The following RDH10 variants were observed in gnomAD, a reference collection of about 807,000 sequenced individuals.
RDH10 encodes retinol dehydrogenase 10 (all-trans).
RDH10 carries 12 observed loss-of-function variants against 30.2 expected under a neutral mutation model. That is an observed-to-expected ratio of 0.40 (90% CI 0.25 to 0.64). RDH10 has a LOEUF of 0.64. RDH10 is among the 30% of genes least tolerant of loss of function. The probability of loss-of-function intolerance (pLI) is 0.43; values close to 1 mark genes in which losing one functional copy is unlikely to be tolerated. For missense variants in RDH10, 268 were observed against 445.2 expected (o/e 0.60, Z 3.58); for synonymous variants, 189 against 172.2 (o/e 1.10, Z -0.76).
At position 73,297,223 on chromosome 8, in the gene RDH10, C is replaced by T. The variant is rs770032148; in HGVS notation, c.319C>T (p.His107Tyr). The T allele has an allele frequency of 3.1e-6, 5 of 1,613,120 alleles. No homozygotes were observed. The South Asian group carries it at 3.3e-5, about 11-fold the overall frequency. The change falls in exon 2 of 6, where the codon CAC becomes TAC. Residue 107 changes from histidine to tyrosine, a missense_variant. Coordinates refer to ENST00000240285, the MANE Select transcript of RDH10 (RefSeq NM_172037.5). The stretch of plus-strand genomic sequence containing the variant: ...GAATGGTGAGGAAGAAATTCTGCCC[C>T]ACTGTAACTTGCAGGTTTTTACCTA... ...AGNGEEEILP[H>Y]CNLQVFTYTC...
intron 2 of RDH10, among the ~76,000 whole-genome samples, chr8:73,317,571 A>C (rs2130377731): frequency 6.6e-6 from 1 of 152,288 alleles, no homozygotes; most frequent in East Asian, 1.9e-4. Flanking sequence ...GGAGCACAGA[A>C]AAACATCAGA....
intron 2 of RDH10, chr8:73,300,257 G>A (rs1698950576): frequency 2.0e-5 from 3 of 152,182 alleles, no homozygotes; most frequent in Admixed American, 1.3e-4. Flanking sequence ...TTTTGATTCA[G>A]CAACCAAAAT....
intron 1 of RDH10, among the ~76,000 whole-genome samples, chr8:73,296,125 G>T (rs758094184): frequency 5.9e-5 from 9 of 152,198 alleles, no homozygotes; most frequent in Non-Finnish European, 8.8e-5. Flanking sequence ...AAGACGCCTT[G>T]CTTCCTAAGA....
At chr8:73,314,992 C>T (rs912079948) in intron 2 of RDH10, among the ~76,000 whole-genome samples, 5 of 152,174 alleles carry the variant, frequency 3.3e-5, no homozygotes, top group African/African-American at 9.7e-5. Flanking sequence ...CTTCATATTA[C>T]AACCAGCCAG....
intron 2 of RDH10, among the ~76,000 whole-genome samples, chr8:73,305,077 G>A (rs769554753): frequency 6.6e-6 from 1 of 152,200 alleles, no homozygotes; most frequent in Non-Finnish European, 1.5e-5. Context: ...TGTGTAGCCT[G>A]TGCTAATGCT....
intron 2 of RDH10, among the ~76,000 whole-genome samples, chr8:73,301,272 G>T (rs1289551353): frequency 1.2e-4 from 18 of 149,296 alleles, no homozygotes; most frequent in Non-Finnish European, 1.0e-4. Context: ...GGATGGTCTC[G>T]ATCTCCTGAC....
At chr8:73,312,687 GATGGTGTTCT>G (rs1464694635) in intron 2 of RDH10, 1 of 152,232 alleles carries the variant, frequency 6.6e-6, no homozygotes, top group Admixed American at 6.5e-5. Context: ...GTGGAGTCTT[GATGGTGTTCT>G]TTTTTATTCA....
At chr8:73,319,852 T>A (rs1468732573) in intron 3 of RDH10, among the ~76,000 whole-genome samples, 2 of 152,228 alleles carry the variant, frequency 1.3e-5, no homozygotes, top group African/African-American at 4.8e-5. Context: ...TAGAACTGGA[T>A]TTCATCAAAC....
chr8:73,307,528 CTT>C (rs1201784377), intron 2 of RDH10, among the ~76,000 whole-genome samples: 1 of 152,196 alleles, frequency 6.6e-6, no homozygotes, highest in Non-Finnish European at 1.5e-5. Context: ...TTCATAAACA[CTT>C]TTCTCATTTG....
At chr8:73,316,335 T>C (rs1308602256) in intron 2 of RDH10, among the ~76,000 whole-genome samples, 4 of 152,194 alleles carry the variant, frequency 2.6e-5, no homozygotes, top group Admixed American at 1.3e-4. Context: ...CTAGTTTAGA[T>C]TGGAATATAT....
Position 73,295,412 on chromosome 8 carries a change from C to T in RDH10, c.123C>T (p.Ile41=). Residue 41 remains isoleucine (I), a synonymous_variant, in exon 1 of 6, where the codon ATC becomes ATT. Transcript: ENST00000240285. ...GCGTGGCGGGCCAGGTGTGCCTCAT[C>T]ACCGGCGCCGGCAGCGGCCTGGGCC... ...EKSVAGQVCL[I]TGAGSGLGRL... The T allele has an allele frequency of 1.3e-6, 2 of 1,548,690 alleles. No homozygotes were observed. The highest frequency in any genetic ancestry group is 1.7e-6 in the Non-Finnish European group (2 of 1,148,204).
rs1458307942 is a variant in RDH10, at chr8:73,324,930, T to G, written c.*1894T>G. The G allele has an allele frequency of 6.6e-6, 1 of 152,202 alleles. No homozygotes were observed. 9.4% of individuals were successfully genotyped at this position (152,202 alleles called of 1,614,324 possible). A position where few individuals can be genotyped will look rare whatever the true frequency, so the allele number is the denominator to read the frequency against. ...TGTTATATGTTTCCATTTCTCTTTA[T>G]CAAAGATAACCAAACCTTATGGCCC... On this transcript the variant is annotated 3_prime_UTR_variant, in exon 6 of 6. Transcript: ENST00000240285.
rs769879812 is a variant in RDH10, at chr8:73,323,018, A to G, written c.1008A>G (p.Glu336=). 4.3e-6 allele frequency: 7 copies of G among 1,613,336 alleles called. No homozygotes were observed. In the South Asian group the frequency reaches 7.7e-5, roughly 18 times the overall value. Residue 336 remains glutamate, a synonymous_variant, in exon 6 of 6, where the codon GAA becomes GAG. Coordinates refer to ENST00000240285, the MANE Select transcript of RDH10 (RefSeq NM_172037.5). The part of the protein sequence containing the change: ...AQRKQATNNN[E]AKNGI ...GAAAGCAAGCCACAAACAATAATGA[A>G]GCAAAAAATGGAATCTAAGAATCTT...
At chr8:73,315,441 T>A in intron 2 of RDH10, 1 of 321,476 alleles carries the variant, frequency 3.1e-6, no homozygotes, top group Admixed American at 3.5e-5. Context: ...AACTATTTTA[T>A]TTAATTTAAT....
chr8:73,320,515 G>A (rs539784024), intron 3 of RDH10, among the ~76,000 whole-genome samples: 6 of 148,944 alleles, frequency 4.0e-5, no homozygotes, highest in African/African-American at 1.5e-4. Context: ...CTGTCACCCA[G>A]GCTGGAGTGC....
rs1182733180 is a variant in RDH10 at position 73,322,769 on chromosome 8, C to G, written c.861C>G (p.Ile287Met). The change falls in exon 5 of 6, where the codon ATC (isoleucine) becomes ATG (methionine). Residue 287 changes from isoleucine (I) to methionine (M), a missense_variant. Ile to Met is a conservative substitution (Grantham distance 10). This residue lies in a region of RDH10 where 136 missense variants were observed against 288.8 expected (regional missense o/e 0.47). Transcript: ENST00000240285. ...MKAILTDQPM[I>M]CTPRLMYIVT... ...CCATCCTCACTGACCAGCCCATGAT[C>G]TGCACTCCCCGCCTCATGTACATCG... is the stretch of plus-strand genomic sequence containing the variant. 1 of 1,614,074 alleles carries G rather than the reference C, an allele frequency of 6.2e-7. No individual in the cohort carries two copies. Among genetic ancestry groups the G allele is most frequent in the Non-Finnish European group, 8.5e-7 (1 of 1,180,020 alleles).
chr8:73,321,700 CTG>C (rs2130383091), intron 4 of RDH10: 1 of 414,504 alleles, frequency 2.4e-6, no homozygotes, highest in African/African-American at 2.0e-5. Context: ...ATAAACAAAA[CTG>C]TGAATCATTA....
In RDH10 at chr8:73,294,807, C is replaced by A; in HGVS notation, c.-483C>A. 2.7e-6 allele frequency: 1 copy of A among 375,732 alleles called. No individual in the cohort carries two copies. 23.3% of individuals were successfully genotyped at this position (375,732 alleles called of 1,614,324 possible). ...ACCCCACTCTCCCACCCTCTCGCAA[C>A]TTGGGTCGAGTTGACAACTCCCGCG... On this transcript the variant is annotated 5_prime_UTR_variant, in exon 1 of 6. Transcript: ENST00000240285.
intron 1 of RDH10, 184 bp downstream of exon 1, chr8:73,295,762 T>C: frequency 1.1e-6 from 1 of 913,740 alleles, no homozygotes; most frequent in Non-Finnish European, 1.5e-6. Context: ...ACTTCTGTAT[T>C]ACCAGGGAGA....
Sources: allele counts gnomAD v4.1 joint callset (sites outside exome capture counted in the v4.1 genomes callset), GRCh38; gene constraint gnomAD v4.1.1; regional missense constraint gnomAD v4.1.1; transcripts MANE v1.5; gene names NCBI Gene and HGNC (gene_info 2026-07-23, HGNC 2026-07-21).